Variants in NLGN1 observed in about 807,000 individuals in gnomAD.
NLGN1 encodes neuroligin-1.
In NLGN1, 12 loss-of-function variants were observed where a neutral mutation model predicts 65.5. The ratio of observed to expected loss-of-function variants is 0.18; its 90% CI spans 0.12 to 0.30. NLGN1 has a LOEUF of 0.30. NLGN1 is among the 10% of genes least tolerant of loss of function. The pLI is 1.00. For missense variants in NLGN1, 750 were observed against 1,007.1 expected (o/e 0.74, Z 3.46); for synonymous variants, 350 against 359.5 (o/e 0.97, Z 0.30).
At chr3:173,623,543 G>A (rs946088871) in intron 3 of NLGN1, among the ~76,000 whole-genome samples, 1 of 152,034 alleles carries the variant, frequency 6.6e-6, no homozygotes, top group Non-Finnish European at 1.5e-5. Flanking sequence ...AGAATAGCAT[G>A]GGCAAAGAGA....
At chr3:173,901,749 A>G (rs928003033) in intron 4 of NLGN1, among the ~76,000 whole-genome samples, 2 of 151,986 alleles carry the variant, frequency 1.3e-5, no homozygotes, top group Non-Finnish European at 2.9e-5. Flanking sequence ...CTTTTTCGAG[A>G]ACAGGCCTTA....
intron 3 of NLGN1, among the ~76,000 whole-genome samples, chr3:173,714,403 G>A (rs1769500911): frequency 6.6e-6 from 1 of 152,126 alleles, no homozygotes; most frequent in South Asian, 2.1e-4. Context: ...CCTTCCTTAA[G>A]TGTAACTATT....
Position 173,760,139 on chromosome 3 carries a change from T to C in NLGN1, c.494-47541T>C, listed in dbSNP as rs79574146. 0.012 allele frequency among the ~76,000 whole-genome samples: 1,867 copies of C among 152,144 alleles called. 68 individuals are homozygous for C. In the East Asian group the frequency reaches 0.14, roughly 12 times the overall value. On this transcript the variant is annotated intron_variant, in intron 3 of 6. Transcript: ENST00000457714. ...CCTATAAAATCACCTCTTTCACTAG[T>C]TGGAAATTCTGTCGTCTTGCTCTGG... is the stretch of plus-strand genomic sequence containing the variant.
chr3:173,650,129 T>G (rs1197261258), intron 3 of NLGN1, among the ~76,000 whole-genome samples: 2 of 146,198 alleles, frequency 1.4e-5, no homozygotes, highest in Non-Finnish European at 3.0e-5. Context: ...TCAACTTTCT[T>G]ACAGTTTGAT....
chr3:174,194,518 A>G (rs1294721059), intron 4 of NLGN1, among the ~76,000 whole-genome samples: 2 of 151,910 alleles, frequency 1.3e-5, no homozygotes, highest in African/African-American at 4.8e-5. Context: ...CCACCTATAT[A>G]CACTTCTAAC....
chr3:173,706,305 T>A (rs527843247), intron 3 of NLGN1, among the ~76,000 whole-genome samples: 1 of 152,354 alleles, frequency 6.6e-6, no homozygotes, highest in Non-Finnish European at 1.5e-5. Flanking sequence ...CATTTAAAGC[T>A]ACCACTTTTT....
At chr3:173,489,702 C>T (rs1198483842) in intron 2 of NLGN1, among the ~76,000 whole-genome samples, 4 of 152,020 alleles carry the variant, frequency 2.6e-5, no homozygotes, top group East Asian at 1.9e-4. Context: ...GTCCCACCAA[C>T]AGTGTAAAAG....
chr3:174,106,555 G>T (rs1282648465), intron 4 of NLGN1, among the ~76,000 whole-genome samples: 3 of 151,892 alleles, frequency 2.0e-5, no homozygotes, highest in Non-Finnish European at 2.9e-5. Flanking sequence ...TTTATTTTTA[G>T]ATAATTATAG....
chr3:174,232,693 C>G lies in NLGN1; in HGVS notation c.647-42622C>G, dbSNP rs144774937. Reference sequence around the variant, plus strand: ...GACAGGTTGAAAGAGAGAGAAAGGCCGAAAACAGGTAAATTAAGTTTAATG... The same window carrying G: ...GACAGGTTGAAAGAGAGAGAAAGGCGGAAAACAGGTAAATTAAGTTTAATG... On this transcript the variant is annotated intron_variant, in intron 4 of 6. Coordinates refer to ENST00000457714, the Ensembl canonical transcript of NLGN1. Among the ~76,000 whole-genome samples the G allele has an allele frequency of 2.3e-3, 356 of 152,022 alleles. 2 individuals are homozygous for G. The highest frequency in any genetic ancestry group is 6.8e-3 in the African/African-American group (284 of 41,474).
At chr3:173,540,224 G>A (rs560037991) in intron 2 of NLGN1, among the ~76,000 whole-genome samples, 1 of 152,068 alleles carries the variant, frequency 6.6e-6, no homozygotes, top group Non-Finnish European at 1.5e-5. Context: ...CAGCATCCCT[G>A]TCTGCCACTG....
At chr3:173,760,378 T>G (rs1373034897) in intron 3 of NLGN1, among the ~76,000 whole-genome samples, 1 of 151,898 alleles carries the variant, frequency 6.6e-6, no homozygotes, top group African/African-American at 2.4e-5. Context: ...GTAAATATAC[T>G]AATAATTAAA....
intron 2 of NLGN1, among the ~76,000 whole-genome samples, chr3:173,524,045 C>T (rs974568590): frequency 3.3e-5 from 5 of 150,310 alleles, no homozygotes; most frequent in African/African-American, 7.3e-5. Flanking sequence ...CTTAGCCTCC[C>T]GAGTAGCTGG....
chr3:173,596,238 G>A (rs1175071063), intron 2 of NLGN1, among the ~76,000 whole-genome samples: 1 of 151,924 alleles, frequency 6.6e-6, no homozygotes, highest in Non-Finnish European at 1.5e-5. Context: ...GTAGCCCAAG[G>A]GGAAAGAGAA....
At chr3:173,807,965 T>A (rs1444662636) in intron 4 of NLGN1, 133 bp downstream of exon 4, 3 of 818,198 alleles carry the variant, frequency 3.7e-6, no homozygotes, top group Non-Finnish European at 5.8e-6. Context: ...GAGCCCAAAT[T>A]TTTTATAGTT....
At chr3:173,773,908 C>T (rs750320858) in intron 3 of NLGN1, among the ~76,000 whole-genome samples, 1 of 152,116 alleles carries the variant, frequency 6.6e-6, no homozygotes, top group Admixed American at 6.5e-5. Flanking sequence ...TTAAGCTGTA[C>T]TTTAAAATGG....
intron 4 of NLGN1, among the ~76,000 whole-genome samples, chr3:174,191,312 C>G (rs1342614051): frequency 6.6e-6 from 1 of 152,110 alleles, no homozygotes; most frequent in African/African-American, 2.4e-5. Flanking sequence ...AATGTCACAA[C>G]TACTGTTCTG....
intron 4 of NLGN1, among the ~76,000 whole-genome samples, chr3:174,266,425 A>G (rs1378945536): frequency 1.3e-5 from 2 of 152,158 alleles, no homozygotes; most frequent in Non-Finnish European, 2.9e-5. Context: ...TCCACAGTGC[A>G]TATGTACGAC....
intron 3 of NLGN1, among the ~76,000 whole-genome samples, chr3:173,697,337 C>T (rs879858129): frequency 4.6e-5 from 7 of 152,096 alleles, no homozygotes; most frequent in Admixed American, 4.6e-4. Context: ...TTTCCTTAGG[C>T]AATCTGCCCT....
chr3:174,241,677 G>T, intron 4 of NLGN1, among the ~76,000 whole-genome samples: 1 of 149,472 alleles, frequency 6.7e-6, no homozygotes, highest in South Asian at 2.1e-4. Flanking sequence ...TTTTTGAGAC[G>T]GAGTCTCGTT....
Sources: allele counts gnomAD v4.1 joint callset (sites outside exome capture counted in the v4.1 genomes callset), GRCh38; gene constraint gnomAD v4.1.1; transcripts MANE v1.5; gene names NCBI Gene and HGNC (gene_info 2026-07-23, HGNC 2026-07-21).